The following FABP6 variants were observed in gnomAD, a reference collection of about 807,000 sequenced individuals.
The protein encoded by FABP6 is gastrotropin.
FABP6 carries 13 observed loss-of-function variants against 14.9 expected under a neutral mutation model. That is an observed-to-expected ratio of 0.87 (90% CI 0.57 to 1.39). FABP6 has a LOEUF of 1.39. Among genes scored for constraint, FABP6 ranks in the 40% most tolerant of loss-of-function variants. The probability of loss-of-function intolerance (pLI) is 0.00; values close to 1 mark genes in which losing one functional copy is unlikely to be tolerated. For missense variants in FABP6, 161 were observed against 167.2 expected (o/e 0.96, Z 0.20); for synonymous variants, 75 against 63.6 (o/e 1.18, Z -0.85).
chr5:160,206,465 C>T (rs1759769186), intron 2 of FABP6, among the ~76,000 whole-genome samples: 1 of 152,026 alleles, frequency 6.6e-6, no homozygotes, highest in Admixed American at 6.6e-5. Flanking sequence ...ACATAATATT[C>T]TACATGTATC....
chr5:160,234,190 A>G (rs1190697211), intron 2 of FABP6, among the ~76,000 whole-genome samples: 1 of 152,144 alleles, frequency 6.6e-6, no homozygotes, highest in Non-Finnish European at 1.5e-5. Context: ...CCACTGATAG[A>G]AAAATGTAAG....
intron 2 of FABP6, among the ~76,000 whole-genome samples, chr5:160,205,994 C>T (rs7701310): frequency 6.6e-6 from 1 of 151,862 alleles, no homozygotes; most frequent in African/African-American, 2.4e-5. Flanking sequence ...TTTTTCTTTC[C>T]TTGTAGCCTA....
chr5:160,223,951 A>C (rs1350532603), intron 3 of FABP6, among the ~76,000 whole-genome samples: 1 of 131,324 alleles, frequency 7.6e-6, no homozygotes, highest in Non-Finnish European at 1.7e-5. Flanking sequence ...AAAAAAAAAA[A>C]ATTGGCCGGG....
chr5:160,221,990 C>T (rs1760137092), intron 3 of FABP6, among the ~76,000 whole-genome samples: 1 of 151,820 alleles, frequency 6.6e-6, no homozygotes, highest in South Asian at 2.1e-4. Flanking sequence ...TCTTTTTAAA[C>T]AATGAGTATG....
upstream of FABP6, among the ~76,000 whole-genome samples, chr5:160,225,896 G>A (rs1157650949): frequency 2.0e-5 from 3 of 152,064 alleles, no homozygotes; most frequent in South Asian, 2.1e-4. Context: ...ATATAAGGCC[G>A]GGCAGGGTGG....
intron 1 of FABP6, among the ~76,000 whole-genome samples, chr5:160,195,529 C>T (rs1355375321): frequency 1.3e-5 from 2 of 152,160 alleles, no homozygotes; most frequent in African/African-American, 4.8e-5. Flanking sequence ...TCACAGCTCA[C>T]TGCAGCCACA....
At chr5:160,229,445 CTT>C, upstream of FABP6, 1 of 1,568,512 alleles carries the variant, frequency 6.4e-7, no homozygotes, top group South Asian at 1.2e-5. Flanking sequence ...AGTGGGGTGA[CTT>C]AGGGGCTGAG....
chr5:160,191,075 G>A, intron 1 of FABP6, among the ~76,000 whole-genome samples: 1 of 134,850 alleles, frequency 7.4e-6, no homozygotes, highest in Non-Finnish European at 1.5e-5. Flanking sequence ...GGCAACAAGA[G>A]CAAGACTCCA....
At chr5:160,226,669 C>T (rs936325574), upstream of FABP6, among the ~76,000 whole-genome samples, 3 of 152,138 alleles carry the variant, frequency 2.0e-5, no homozygotes, top group Non-Finnish European at 2.9e-5. Context: ...GTACATACTT[C>T]ATAGAGCTGT....
intron 2 of FABP6, chr5:160,213,616 A>C (rs1759939081): frequency 1.2e-6 from 1 of 809,658 alleles, no homozygotes; most frequent in South Asian, 1.5e-5. Context: ...ATCAGTTTCC[A>C]TTGCTTGCAA....
At chr5:160,230,519 T>G (rs1354805513) in intron 1 of FABP6, among the ~76,000 whole-genome samples, 1 of 151,814 alleles carries the variant, frequency 6.6e-6, no homozygotes, top group Non-Finnish European at 1.5e-5. Flanking sequence ...TGCCACCACA[T>G]CTGGCTAATT....
At chr5:160,237,099 G>T (rs1760533925) in intron 3 of FABP6, among the ~76,000 whole-genome samples, 1 of 152,164 alleles carries the variant, frequency 6.6e-6, no homozygotes, top group South Asian at 2.1e-4. Flanking sequence ...TGAAGGATCT[G>T]ATGAAAGGGC....
chr5:160,223,367 C>CCTTCCTTCTT (rs1308125300), intron 3 of FABP6, among the ~76,000 whole-genome samples: 1 of 20,132 alleles, frequency 5.0e-5, no homozygotes, highest in Non-Finnish European at 9.3e-5. Context: ...CCTTCTTTCC[C>CCTTCCTTCTT]TCCCTCCCTC....
upstream of FABP6, among the ~76,000 whole-genome samples, chr5:160,227,935 G>A (rs1760287066): frequency 6.6e-6 from 1 of 151,650 alleles, no homozygotes. Context: ...ATTAAAGCCT[G>A]GTAAAATGTG....
At chr5:160,202,001 C>T (rs1482383179) in intron 2 of FABP6, among the ~76,000 whole-genome samples, 3 of 152,120 alleles carry the variant, frequency 2.0e-5, no homozygotes, top group Admixed American at 1.3e-4. Context: ...TGGGCTCAGG[C>T]GATCTGCTCG....
At chr5:160,193,070 G>A (rs1414797550) in intron 1 of FABP6, among the ~76,000 whole-genome samples, 1 of 152,214 alleles carries the variant, frequency 6.6e-6, no homozygotes, top group Non-Finnish European at 1.5e-5. Flanking sequence ...TGGGTTCTTG[G>A]TCTCACTGAC....
intron 1 of FABP6, among the ~76,000 whole-genome samples, chr5:160,194,995 T>C (rs1219831172): frequency 2.0e-5 from 3 of 152,086 alleles, no homozygotes; most frequent in Non-Finnish European, 4.4e-5. Context: ...GAATTTAATC[T>C]CCTTCCTGGC....
intron 2 of FABP6, among the ~76,000 whole-genome samples, chr5:160,213,336 C>A (rs1369890059): frequency 6.6e-6 from 1 of 152,204 alleles, no homozygotes; most frequent in East Asian, 1.9e-4. Context: ...TACAAATAAG[C>A]AGGGACAAGA....
upstream of FABP6, chr5:160,228,611 G>A: frequency 2.2e-6 from 1 of 450,206 alleles, no homozygotes; most frequent in Non-Finnish European, 4.5e-6. Context: ...TCTGAAGCTT[G>A]AACAAAATAA....
Sources: gnomAD v4.1 joint callset for allele counts (sites outside exome capture counted in the v4.1 genomes callset) on GRCh38, gnomAD v4.1.1 for gene constraint, MANE v1.5 for transcripts, NCBI Gene and HGNC (gene_info 2026-07-23, HGNC 2026-07-21) for gene names.